Variants in NRG4 observed in about 807,000 individuals in gnomAD.
The protein encoded by NRG4 is neuregulin 4, also known as pro-neuregulin-4, membrane-bound isoform.
In NRG4, 10 loss-of-function variants were observed where a neutral mutation model predicts 15.0. The ratio of observed to expected loss-of-function variants is 0.67; its 90% CI spans 0.41 to 1.13. The LOEUF is 1.13. Ranked by LOEUF, NRG4 falls within the 50% of genes most tolerant of loss-of-function variation. The probability of loss-of-function intolerance (pLI) is 0.00; values close to 1 mark genes in which losing one functional copy is unlikely to be tolerated. For synonymous variants in NRG4, 41 were observed against 50.1 expected (o/e 0.82, Z 0.77); for missense variants, 139 against 140.2 (o/e 0.99, Z 0.04).
At chr15:75,999,004 A>G (rs2034309032) in intron 3 of NRG4, among the ~76,000 whole-genome samples, 1 of 152,226 alleles carries the variant, frequency 6.6e-6, no homozygotes, top group South Asian at 2.1e-4. Flanking sequence ...CTCACTATAA[A>G]CATTCAACAA....
At chr15:75,944,768 T>TGTGTGG (rs1555428878) in intron 5 of NRG4, among the ~76,000 whole-genome samples, 2 of 115,048 alleles carry the variant, frequency 1.7e-5, no homozygotes, top group African/African-American at 5.9e-5. Flanking sequence ...TGTGTGTGTG[T>TGTGTGG]GGGGGGGTGG....
intron 3 of NRG4, among the ~76,000 whole-genome samples, chr15:76,006,493 C>T (rs1315949491): frequency 2.0e-5 from 3 of 151,948 alleles, no homozygotes; most frequent in African/African-American, 7.3e-5. Flanking sequence ...TTTTCTCAGT[C>T]GCCCTTTTGT....
intron 4 of NRG4, 100 bp from the exon 5 acceptor site, chr15:75,956,111 T>A: frequency 2.9e-6 from 2 of 681,240 alleles, no homozygotes; most frequent in Non-Finnish European, 2.6e-6. Flanking sequence ...TTTCCCTTCT[T>A]CCCCCTTTTT....
At chr15:75,955,685 T>C (rs960501877) in intron 5 of NRG4, among the ~76,000 whole-genome samples, 2 of 150,966 alleles carry the variant, frequency 1.3e-5, no homozygotes, top group Non-Finnish European at 2.9e-5. Context: ...ACATTAGAGC[T>C]ACATCAGAAT....
At chr15:76,019,405 G>A (rs541243377) in intron 5 of NRG4, among the ~76,000 whole-genome samples, 1 of 152,172 alleles carries the variant, frequency 6.6e-6, no homozygotes, top group Admixed American at 6.5e-5. Flanking sequence ...CAGCTAGCTC[G>A]GTGTCTGCCC....
chr15:76,021,278 C>G (rs1048994480), intron 5 of NRG4, among the ~76,000 whole-genome samples: 2 of 152,222 alleles, frequency 1.3e-5, no homozygotes, highest in Non-Finnish European at 1.5e-5. Flanking sequence ...GACCCTCCCC[C>G]AGCAAAAACA....
chr15:76,037,181 G>A (rs2035616454), intron 4 of NRG4, among the ~76,000 whole-genome samples: 1 of 152,020 alleles, frequency 6.6e-6, no homozygotes, highest in Non-Finnish European at 1.5e-5. Flanking sequence ...CATCCCCCCT[G>A]CAGGAACACC....
chr15:75,989,330 CA>C (rs2033920206), intron 3 of NRG4, among the ~76,000 whole-genome samples: 1 of 152,152 alleles, frequency 6.6e-6, no homozygotes, highest in Non-Finnish European at 1.5e-5. Context: ...TTTAACATTT[CA>C]TGTAGCGTGG....
At chr15:76,009,317 T>G (rs755441769) in intron 2 of NRG4, 24 bp from the exon 3 acceptor site, 9 of 1,220,370 alleles carry the variant, frequency 7.4e-6, no homozygotes, top group Non-Finnish European at 1.0e-5. Context: ...ATATATAAAA[T>G]AGAGAAAAGC....
intron 3 of NRG4, among the ~76,000 whole-genome samples, chr15:75,988,963 T>A (rs1367572926): frequency 1.8e-4 from 27 of 150,326 alleles, no homozygotes. Context: ...ACTCAAGTGA[T>A]CCTCCCATCT....
chr15:76,026,652 C>G (rs2035323022), intron 5 of NRG4, among the ~76,000 whole-genome samples: 1 of 152,118 alleles, frequency 6.6e-6, no homozygotes, highest in South Asian at 2.1e-4. Flanking sequence ...GGATTCAAAC[C>G]ATTTCATTAC....
At chr15:75,944,239 GAAT>G (rs1224512807) in intron 5 of NRG4, among the ~76,000 whole-genome samples, 4 of 152,290 alleles carry the variant, frequency 2.6e-5, no homozygotes, top group African/African-American at 4.8e-5. Flanking sequence ...TGTAGAGTGA[GAAT>G]AATACCACCT....
chr15:75,977,145 C>T lies in NRG4; in HGVS notation c.105-15171G>A, dbSNP rs1567087038. On this transcript the variant is annotated intron_variant, in intron 3 of 5. Coordinates refer to ENST00000394907, the MANE Select transcript of NRG4 (RefSeq NM_138573.4). The surrounding 1 kb of genome is among the most constrained non-coding windows in gnomAD (Gnocchi z 4.9). ...TTTACACTATGAGGGGAAAACTGCC[C>T]ACTCAAGCCTCCAGATGCCCCTCCC... Among the ~76,000 whole-genome samples, 1 of 152,138 alleles carries T rather than the reference C, an allele frequency of 6.6e-6. No homozygotes were observed. Among genetic ancestry groups the T allele is most frequent in the Non-Finnish European group, 1.5e-5 (1 of 68,022 alleles).
chr15:76,009,127 T>A, intron 3 of NRG4, 73 bp downstream of exon 3: 3 of 796,196 alleles, frequency 3.8e-6, no homozygotes, highest in Non-Finnish European at 6.8e-6. Flanking sequence ...TGTTTACTTT[T>A]TATCACTTCT....
chr15:76,009,122 A>T, intron 3 of NRG4, 78 bp downstream of exon 3: 2 of 778,972 alleles, frequency 2.6e-6, no homozygotes, highest in South Asian at 1.4e-5. Flanking sequence ...CTTTTTGTTT[A>T]CTTTTTATCA....
chr15:76,052,664 A>G (rs1307384295), intron 3 of NRG4, among the ~76,000 whole-genome samples: 12 of 151,166 alleles, frequency 7.9e-5, no homozygotes. Context: ...GAGGAAAAAA[A>G]GTAGTATATG....
At chr15:76,013,778 T>C (rs906049123), upstream of NRG4, among the ~76,000 whole-genome samples, 1 of 152,220 alleles carries the variant, frequency 6.6e-6, no homozygotes, top group African/African-American at 2.4e-5. Context: ...GTCTTTGCTA[T>C]TGTGAACAGT....
At chr15:75,950,148 A>AT (rs904768437) in intron 5 of NRG4, among the ~76,000 whole-genome samples, 47 of 150,322 alleles carry the variant, frequency 3.1e-4, no homozygotes, top group Non-Finnish European at 4.6e-4. Context: ...TCTCTCAGCA[A>AT]TTTTTTTTTT....
chr15:75,978,929 T>C (rs1246321969), intron 3 of NRG4, among the ~76,000 whole-genome samples: 1 of 152,222 alleles, frequency 6.6e-6, no homozygotes, highest in Non-Finnish European at 1.5e-5. Context: ...ATACTGCCAC[T>C]GCACAAAGCT....
Sources: allele counts gnomAD v4.1 joint callset (sites outside exome capture counted in the v4.1 genomes callset), GRCh38; gene constraint gnomAD v4.1.1; non-coding constraint Gnocchi (gnomAD v3.1); transcripts MANE v1.5; gene names NCBI Gene and HGNC (gene_info 2026-07-23, HGNC 2026-07-21).